Variants in HAUS6 observed in about 807,000 individuals in gnomAD.
HAUS6 encodes HAUS augmin like complex subunit 6, also known as HAUS augmin-like complex subunit 6.
In HAUS6, 80 loss-of-function variants were observed where a neutral mutation model predicts 106.8. That is an observed-to-expected ratio of 0.75 (90% CI 0.63 to 0.90). HAUS6 has a LOEUF of 0.90. Ranked by LOEUF, HAUS6 falls within the 40% of genes least tolerant of loss-of-function variation. The pLI is 0.00. For missense variants in HAUS6, 1,155 were observed against 1,118.1 expected (o/e 1.03, Z -0.47); for synonymous variants, 356 against 379.1 (o/e 0.94, Z 0.71).
chr9:19,082,919 T>C lies in HAUS6; in HGVS notation c.824A>G (p.Asn275Ser), dbSNP rs751957976. ...YALDGTNVAINIPRLLLDKIE... is the reference protein window; with the variant it reads ...YALDGTNVAISIPRLLLDKIE... ...TTTGTCAAGTAAGAGCCTTGGAATA[T>C]TAATAGCAACATTAGTTCCATCTAA... Residue 275 changes from asparagine to serine, a missense_variant, in exon 8 of 17, where the codon AAT (asparagine) becomes AGT (serine). Asn to Ser is a conservative substitution (Grantham distance 46). Around this residue, in one of 3 missense-constraint regions of HAUS6, gnomAD observed 761 missense variants for 690.0 expected, o/e 1.10. Coordinates refer to ENST00000380502, the MANE Select transcript of HAUS6 (RefSeq NM_017645.5). 7.2e-6 allele frequency: 11 copies of C among 1,534,572 alleles called. No individual in the cohort carries two copies. The East Asian group carries it at 2.1e-4, about 30-fold the overall frequency.
chr9:19,070,280 G>C lies in HAUS6; in HGVS notation c.1315C>G (p.Gln439Glu), dbSNP rs148336635. 277 of 1,593,788 alleles carry C rather than the reference G, an allele frequency of 1.7e-4. 1 individual carries two copies. Among genetic ancestry groups the C allele is most frequent in the Non-Finnish European group, 2.2e-4 (252 of 1,162,026 alleles). ...CTGTCTCCTCTGCAACCATTTTCTT[G>C]GTTATGTTGCTTATGTGCATCTAAA... is the stretch of plus-strand genomic sequence containing the variant. ...SLPDAHKQHN[Q>E]ENGCRGDSDT... Residue 439 changes from glutamine (Q) to glutamate (E), a missense_variant, in exon 12 of 17, where the codon CAA (glutamine) becomes GAA (glutamate). Gln to Glu is a conservative substitution (Grantham distance 29, BLOSUM62 2). Coordinates refer to ENST00000380502, the MANE Select transcript of HAUS6 (RefSeq NM_017645.5).
chr9:19,077,621 A>G (rs539533939), intron 10 of HAUS6, among the ~76,000 whole-genome samples: 82 of 152,300 alleles, frequency 5.4e-4, no homozygotes, highest in African/African-American at 1.9e-3. Context: ...ACTTATGGAT[A>G]TTATATTATA....
intron 4 of HAUS6, among the ~76,000 whole-genome samples, chr9:19,092,012 A>C (rs1817760693): frequency 6.6e-6 from 1 of 152,098 alleles, no homozygotes; most frequent in Non-Finnish European, 1.5e-5. Flanking sequence ...ACATGAAACA[A>C]TTTTCAACCT....
intron 4 of HAUS6, among the ~76,000 whole-genome samples, chr9:19,089,845 T>A (rs1307353559): frequency 6.6e-6 from 1 of 152,154 alleles, no homozygotes; most frequent in Non-Finnish European, 1.5e-5. Flanking sequence ...TTTGGGTTGT[T>A]TTTTTGAGAC....
chr9:19,083,454 T>C (rs1398114898), intron 7 of HAUS6, among the ~76,000 whole-genome samples: 1 of 152,040 alleles, frequency 6.6e-6, no homozygotes, highest in African/African-American at 2.4e-5. Context: ...ATTTTCTATA[T>C]GCTGACATGT....
intron 15 of HAUS6, 128 bp downstream of exon 15, chr9:19,059,958 TAG>T: frequency 1.6e-6 from 1 of 629,554 alleles, no homozygotes; most frequent in Admixed American, 3.2e-5. Flanking sequence ...TGCCCACACT[TAG>T]TACGTCGATT....
chr9:19,067,005 CAA>C (rs1216759685), intron 12 of HAUS6, among the ~76,000 whole-genome samples: 1 of 119,840 alleles, frequency 8.3e-6, no homozygotes, highest in Non-Finnish European at 1.8e-5. Context: ...AGTCCCTTCT[CAA>C]AAAAAAAAAA....
Position 19,102,662 on chromosome 9 carries a change from G to C in HAUS6, c.-11C>G, listed in dbSNP as rs1447028490. 1.2e-6 allele frequency: 2 copies of C among 1,609,132 alleles called. No individual in the cohort carries two copies. The highest frequency in any genetic ancestry group is 1.7e-5 in the Admixed American group (1 of 59,442). On this transcript the variant is annotated 5_prime_UTR_variant, in exon 1 of 17. Coordinates refer to ENST00000380502, the MANE Select transcript of HAUS6 (RefSeq NM_017645.5). ...CGAGGCCGAGCTCATCCTCGCGGTA[G>C]GCACGGTGGCTGCAAAGAAAGAAAG...
intron 5 of HAUS6, among the ~76,000 whole-genome samples, chr9:19,087,420 C>T (rs1223780005): frequency 4.6e-5 from 7 of 152,170 alleles, no homozygotes; most frequent in Non-Finnish European, 1.0e-4. Flanking sequence ...TTATCCTCAT[C>T]TCACATACCC....
intron 1 of HAUS6, among the ~76,000 whole-genome samples, chr9:19,101,552 G>A (rs1817987379): frequency 6.6e-6 from 1 of 152,128 alleles, no homozygotes; most frequent in Non-Finnish European, 1.5e-5. Flanking sequence ...CGAAGCAGGA[G>A]GATTGCTTGA....
chr9:19,084,799 CT>C (rs143157533), intron 7 of HAUS6, among the ~76,000 whole-genome samples: 21,465 of 151,816 alleles, frequency 0.14, 1,780 homozygotes, highest in African/African-American at 0.24. Context: ...CACCAGACTA[CT>C]TTTTTATTTT....
At chr9:19,074,399 A>T (rs1836945849) in intron 11 of HAUS6, among the ~76,000 whole-genome samples, 1 of 152,104 alleles carries the variant, frequency 6.6e-6, no homozygotes. Context: ...AGCCTCCTGA[A>T]TAGCTAGGAC....
At chr9:19,086,860 G>A in intron 6 of HAUS6, 78 bp from the exon 7 acceptor site, 1 of 688,542 alleles carries the variant, frequency 1.5e-6, no homozygotes, top group Non-Finnish European at 2.6e-6. Context: ...TAATTAGTCT[G>A]CAAATCAACC....
intron 14 of HAUS6, among the ~76,000 whole-genome samples, chr9:19,062,019 C>T (rs1290847575): frequency 6.6e-6 from 1 of 152,190 alleles, no homozygotes; most frequent in Non-Finnish European, 1.5e-5. Flanking sequence ...TAACCAAATT[C>T]AAGCAATGCT....
chr9:19,091,503 T>C (rs1314053347), intron 4 of HAUS6, among the ~76,000 whole-genome samples: 1 of 152,048 alleles, frequency 6.6e-6, no homozygotes, highest in East Asian at 1.9e-4. Flanking sequence ...TTACATGTAA[T>C]TGGGGCAGAT....
intron 1 of HAUS6, among the ~76,000 whole-genome samples, chr9:19,099,720 T>C (rs1433173847): frequency 1.3e-5 from 2 of 152,232 alleles, no homozygotes; most frequent in Non-Finnish European, 2.9e-5. Flanking sequence ...CTCAGCCTTC[T>C]GAGTAGCTGG....
intron 7 of HAUS6, among the ~76,000 whole-genome samples, chr9:19,083,940 T>C (rs1028050311): frequency 1.3e-5 from 2 of 151,508 alleles, no homozygotes; most frequent in South Asian, 2.1e-4. Flanking sequence ...CTAATCTATA[T>C]TCATTAAAAT....
rs146308174 is a variant in HAUS6, at chr9:19,070,108, C to G, written c.1376+111G>C. 1,020 of 667,924 alleles carry G rather than the reference C, an allele frequency of 1.5e-3. 5 individuals are homozygous for G. The African/African-American group carries it at 0.017, about 11-fold the overall frequency. The allele number at this position is 667,924 out of a possible 1,614,324, so 41.4% of individuals were successfully genotyped here. A position where few individuals can be genotyped will look rare whatever the true frequency, so the allele number is the denominator to read the frequency against. ...CTTGTAATACAGAAAAGTTCTCCAA[C>G]TCCCCAACAGACCCAGAAGTCCAGC... On this transcript the variant is annotated intron_variant, in intron 12 of 16. Coordinates refer to ENST00000380502, the MANE Select transcript of HAUS6 (RefSeq NM_017645.5).
intron 12 of HAUS6, among the ~76,000 whole-genome samples, chr9:19,064,740 A>G (rs533748477): frequency 5.9e-5 from 9 of 151,984 alleles, no homozygotes; most frequent in Non-Finnish European, 1.0e-4. Flanking sequence ...ATGCACTCTT[A>G]GAGTCTTTGC....
Sources: gnomAD v4.1 joint callset for allele counts (sites outside exome capture counted in the v4.1 genomes callset) on GRCh38, gnomAD v4.1.1 for gene constraint, gnomAD v4.1.1 regional missense constraint, MANE v1.5 for transcripts, NCBI Gene and HGNC (gene_info 2026-07-23, HGNC 2026-07-21) for gene names.